NTRK3: variants seen among roughly 807,000 people sequenced by gnomAD.
NTRK3 encodes the protein NT-3 growth factor receptor.
A neutral mutation model predicts 91.7 loss-of-function variants in NTRK3; 24 were observed. The observed-to-expected ratio is 0.26, with a 90% CI of 0.19 to 0.37. The LOEUF (loss-of-function observed/expected upper bound fraction) is 0.37. Among genes scored for constraint, NTRK3 ranks in the 10% least tolerant of loss-of-function variants. The pLI, the probability that NTRK3 is intolerant of heterozygous loss-of-function variation, is 1.00. For missense variants in NTRK3, 880 were observed against 1,068.9 expected (o/e 0.82, Z 2.46); for synonymous variants, 483 against 404.0 (o/e 1.20, Z -2.34).
At chr15:87,928,764 A>G (rs1025567332) in intron 17 of NTRK3, 16 of 246,388 alleles carry the variant, frequency 6.5e-5, no homozygotes, top group African/African-American at 3.5e-4. Context: ...TAATCACAAG[A>G]TAATTTCAGA....
intron 14 of NTRK3, among the ~76,000 whole-genome samples, chr15:87,941,147 T>A (rs1461670229): frequency 2.0e-5 from 3 of 152,110 alleles, no homozygotes; most frequent in Non-Finnish European, 4.4e-5. Flanking sequence ...ATCCAGTGGG[T>A]CTGAGAATCT....
At chr15:88,078,902 G>A (rs538247120) in intron 13 of NTRK3, among the ~76,000 whole-genome samples, 229 of 152,362 alleles carry the variant, frequency 1.5e-3, no homozygotes, top group African/African-American at 5.1e-3. Context: ...AGGGGCTTAG[G>A]TCAGGAGGTG....
At chr15:88,158,170 G>A (rs1327854184) in intron 5 of NTRK3, among the ~76,000 whole-genome samples, 9 of 152,180 alleles carry the variant, frequency 5.9e-5, no homozygotes, top group Non-Finnish European at 1.2e-4. Context: ...GGGTATGGAC[G>A]GCAGCTGACA....
chr15:88,051,101 T>C (rs999263218), intron 13 of NTRK3, among the ~76,000 whole-genome samples: 1 of 152,204 alleles, frequency 6.6e-6, no homozygotes, highest in African/African-American at 2.4e-5. Flanking sequence ...CCACATCTCC[T>C]ACCAGCAATT....
chr15:88,108,433 A>G lies in NTRK3; in HGVS notation c.1396+17838T>C, dbSNP rs551245126. Among the ~76,000 whole-genome samples, 10 of 152,318 alleles carry G rather than the reference A, an allele frequency of 6.6e-5. No homozygotes were observed. The East Asian group carries it at 1.7e-3, about 26-fold the overall frequency. ...CAAACCTGGTGATCCTAAAAAGAAT[A>G]GCCCATATATGCAATGGGTGCTCCT... is the stretch of plus-strand genomic sequence containing the variant. On this transcript the variant is annotated intron_variant, in intron 13 of 18. Coordinates refer to ENST00000394480, the Ensembl canonical transcript of NTRK3.
chr15:87,953,906 C>G (rs1267410127), intron 14 of NTRK3, among the ~76,000 whole-genome samples: 1 of 152,092 alleles, frequency 6.6e-6, no homozygotes, highest in Non-Finnish European at 1.5e-5. Flanking sequence ...CTTTCTAGCC[C>G]CCTTGCCCAT....
At chr15:87,972,491 T>A (rs957697802) in intron 14 of NTRK3, among the ~76,000 whole-genome samples, 3 of 152,162 alleles carry the variant, frequency 2.0e-5, no homozygotes, top group Non-Finnish European at 4.4e-5. Context: ...AACTCAGACA[T>A]TACTTGACAT....
rs952631213 is a variant in NTRK3 at position 87,869,772 on chromosome 15, T to A, written c.*7163A>T. The A allele has an allele frequency of 2.5e-5, 5 of 202,360 alleles. No homozygotes were observed. In the Admixed American group the frequency reaches 3.0e-4, roughly 12 times the overall value. 12.5% of individuals were successfully genotyped at this position (202,360 alleles called of 1,614,324 possible). A position where few individuals can be genotyped will look rare whatever the true frequency, so the allele number is the denominator to read the frequency against. On this transcript the variant is annotated 3_prime_UTR_variant, in exon 19 of 19. Transcript: ENST00000394480. ...TTATTTATTCACTCCAGAGGTAGGC[T>A]CAGAGGCATCAGTTACATGCCAGGT...
intron 3 of NTRK3, among the ~76,000 whole-genome samples, chr15:88,216,513 A>G (rs1863482): frequency 0.91 from 139,277 of 152,256 alleles, 63,922 homozygotes; most frequent in East Asian, 0.99. Flanking sequence ...CAGGGAGGCG[A>G]TTCTGCACGA....
intron 14 of NTRK3, among the ~76,000 whole-genome samples, chr15:87,958,457 T>C (rs772714692): frequency 6.6e-6 from 1 of 152,068 alleles, no homozygotes; most frequent in African/African-American, 2.4e-5. Context: ...GTGTGTCTAG[T>C]GGTCTTTCAC....
At chr15:88,004,521 G>A (rs1013357134) in intron 14 of NTRK3, among the ~76,000 whole-genome samples, 5 of 152,084 alleles carry the variant, frequency 3.3e-5, no homozygotes, top group Non-Finnish European at 4.4e-5. Flanking sequence ...TGTGCTACTC[G>A]GGCCAAAAAT....
At chr15:88,210,212 T>C (rs2049122603) in intron 3 of NTRK3, 1 of 152,196 alleles carries the variant, frequency 6.6e-6, no homozygotes, top group African/African-American at 2.4e-5. Context: ...GAAATGTTTT[T>C]CTTGAATAGG....
intron 3 of NTRK3, among the ~76,000 whole-genome samples, chr15:88,207,929 C>T (rs1287953230): frequency 6.6e-6 from 1 of 152,216 alleles, no homozygotes. Flanking sequence ...ACTTGAACAA[C>T]AGGTAACCTT....
chr15:88,056,487 G>A (rs1466617286), intron 13 of NTRK3, among the ~76,000 whole-genome samples: 1 of 152,064 alleles, frequency 6.6e-6, no homozygotes, highest in Non-Finnish European at 1.5e-5. Flanking sequence ...CTGCCTCGGG[G>A]CCTTCGTTTC....
intron 17 of NTRK3, among the ~76,000 whole-genome samples, chr15:87,886,833 A>T (rs2065584652): frequency 6.6e-6 from 1 of 150,580 alleles, no homozygotes; most frequent in South Asian, 2.1e-4. Context: ...AGTAAAAAAA[A>T]AAGTGCGAAT....
intron 5 of NTRK3, among the ~76,000 whole-genome samples, chr15:88,165,105 T>C (rs1254319945): frequency 2.0e-5 from 3 of 152,138 alleles, no homozygotes; most frequent in Non-Finnish European, 4.4e-5. Flanking sequence ...ATAGAGACAA[T>C]GCAATCTGCA....
chr15:88,022,949 G>A (rs2077709306), intron 14 of NTRK3, among the ~76,000 whole-genome samples: 1 of 152,198 alleles, frequency 6.6e-6, no homozygotes, highest in Non-Finnish European at 1.5e-5. Flanking sequence ...TCTCGGCCCA[G>A]GGAGATGAAT....
chr15:88,033,057 A>AAG lies in NTRK3; in HGVS notation c.1397-14_1397-13dup, dbSNP rs781485065. The AAG allele has an allele frequency of 1.3e-5, 21 of 1,564,700 alleles. No homozygotes were observed. The Admixed American group carries it at 3.8e-4, about 28-fold the overall frequency. The stretch of plus-strand genomic sequence containing the variant: ...GACAGCCACGGGACCTGCACACACC[A>AAG]AGAGAGACGCAGGACCTGGTGACGT... On this transcript the variant is annotated splice_polypyrimidine_tract_variant and intron_variant, in intron 13 of 18. Coordinates refer to ENST00000394480, the Ensembl canonical transcript of NTRK3.
chr15:88,135,858 C>A lies in NTRK3; in HGVS notation c.907+41G>T, dbSNP rs571364795. 2.1e-4 allele frequency: 340 copies of A among 1,611,376 alleles called. 5 individuals carry two copies. The South Asian group carries it at 3.5e-3, about 17-fold the overall frequency. Reference sequence around the variant, plus strand: ...CCTCTCCAGCCTCCTATGCCAGTTGCCCCTCACACACAGCCATCCCCCACA... The same window carrying A: ...CCTCTCCAGCCTCCTATGCCAGTTGACCCTCACACACAGCCATCCCCCACA... On this transcript the variant is annotated intron_variant, in intron 9 of 18. Transcript: ENST00000394480.
Sources: gnomAD v4.1 joint callset for allele counts (sites outside exome capture counted in the v4.1 genomes callset) on GRCh38, gnomAD v4.1.1 for gene constraint, MANE v1.5 for transcripts, NCBI Gene and HGNC (gene_info 2026-07-23, HGNC 2026-07-21) for gene names.